Variants in TTC12 observed in about 807,000 individuals in gnomAD.
TTC12 encodes the protein tetratricopeptide repeat domain 12, also known as tetratricopeptide repeat protein 12.
In TTC12, 70 loss-of-function variants were observed where a neutral mutation model predicts 90.1. That is an observed-to-expected ratio of 0.78 (90% CI 0.64 to 0.95). TTC12 has a LOEUF of 0.95. TTC12 is among the 40% of genes least tolerant of loss of function. TTC12 has a pLI of 0.00. For synonymous variants in TTC12, 296 were observed against 311.5 expected, an observed-to-expected ratio of 0.95 and a Z score of 0.53; for missense variants, 819 against 846.1, an observed-to-expected ratio of 0.97 and a Z score of 0.40.
intron 16 of TTC12, among the ~76,000 whole-genome samples, chr11:113,355,656 G>A (rs1213922640): frequency 6.6e-6 from 1 of 152,086 alleles, no homozygotes; most frequent in Non-Finnish European, 1.5e-5. Context: ...CAGAGATTCT[G>A]GTATGTTGTA....
chr11:113,325,373 A>T (rs1273470720), intron 5 of TTC12, 151 bp from the exon 6 acceptor site: 1 of 785,550 alleles, frequency 1.3e-6, no homozygotes, highest in African/African-American at 1.8e-5. Context: ...GCTGGTCCTG[A>T]AGTATCTGCA....
chr11:113,360,006 A>G lies in TTC12; in HGVS notation c.1612A>G (p.Thr538Ala). 6.3e-7 allele frequency: 1 copy of G among 1,590,810 alleles called. No individual in the cohort carries two copies. Among genetic ancestry groups the G allele is most frequent in the Non-Finnish European group, 8.6e-7 (1 of 1,167,656 alleles). ...AAACAGCCAGGATGGAGGAATCCTG[A>G]CAGTAAGTTTCTCCCAGGGAAATCC... is the stretch of plus-strand genomic sequence containing the variant. ...LLNSQDGGIL[T>A]RAAGVLSRTL... is the part of the protein sequence containing the mutation. The change falls in exon 18 of 22, where the codon ACA (threonine) becomes GCA (alanine). Residue 538 changes from threonine (T) to alanine (A), a missense_variant and splice_region_variant. Coordinates refer to ENST00000529221, the MANE Select transcript of TTC12 (RefSeq NM_017868.4).
chr11:113,356,994 CA>C (rs1949670465), intron 16 of TTC12, among the ~76,000 whole-genome samples: 1 of 152,166 alleles, frequency 6.6e-6, no homozygotes, highest in Non-Finnish European at 1.5e-5. Flanking sequence ...GGGAAGTTCT[CA>C]TGGATGATAT....
chr11:113,336,413 G>A (rs1412970760), intron 8 of TTC12, among the ~76,000 whole-genome samples: 4 of 151,972 alleles, frequency 2.6e-5, no homozygotes, highest in Non-Finnish European at 4.4e-5. Context: ...TTTTTCTTTG[G>A]TTGCTTGTGA....
rs782554800 is a variant in TTC12 at position 113,352,216 on chromosome 11, G to C, written c.1446+9G>C. 6.2e-7 allele frequency: 1 copy of C among 1,614,134 alleles called. No homozygotes were observed. The highest frequency in any genetic ancestry group is 8.5e-7 in the Non-Finnish European group (1 of 1,179,996). On this transcript the variant is annotated intron_variant, in intron 16 of 21. Coordinates refer to ENST00000529221, the MANE Select transcript of TTC12 (RefSeq NM_017868.4). ...GCTGCTTGAGCCTCCTGGTATGTTAGCTTTTCTATTCAAAATTGGTCTTTA... is the reference window on the plus strand; with the variant it reads ...GCTGCTTGAGCCTCCTGGTATGTTACCTTTTCTATTCAAAATTGGTCTTTA...
chr11:113,322,568 C>T (rs1304501244), intron 2 of TTC12, among the ~76,000 whole-genome samples: 1 of 152,142 alleles, frequency 6.6e-6, no homozygotes, highest in Non-Finnish European at 1.5e-5. Flanking sequence ...TGTTAAAAGT[C>T]ATTGGGGGAG....
downstream of TTC12, chr11:113,368,144 G>A: frequency 7.5e-7 from 1 of 1,329,668 alleles, no homozygotes; most frequent in Non-Finnish European, 9.9e-7. Context: ...CTTCCCCAAA[G>A]AGTGGGGAAT....
intron 8 of TTC12, among the ~76,000 whole-genome samples, chr11:113,336,466 A>G (rs1208487750): frequency 6.6e-6 from 1 of 152,178 alleles, no homozygotes; most frequent in African/African-American, 2.4e-5. Context: ...ATCCAAGGTC[A>G]GGAAGATGTA....
At chr11:113,368,076 C>T (rs964036144), downstream of TTC12, 5 of 859,786 alleles carry the variant, frequency 5.8e-6, no homozygotes, top group Non-Finnish European at 8.0e-6. Context: ...CCCCGCCTTC[C>T]CCTGCTATGG....
downstream of TTC12, among the ~76,000 whole-genome samples, chr11:113,367,828 G>T (rs1950262833): frequency 3.5e-5 from 5 of 143,456 alleles, no homozygotes; most frequent in South Asian, 1.1e-3. Context: ...GGCGCCCTGG[G>T]TGGCAAGCAA....
intron 21 of TTC12, 111 bp from the exon 22 acceptor site, chr11:113,366,114 G>A: frequency 8.5e-7 from 1 of 1,170,900 alleles, no homozygotes; most frequent in Middle Eastern, 1.9e-4. Flanking sequence ...CACCCAGAGT[G>A]ATAGGACTGA....
Position 113,341,900 on chromosome 11 carries a change from C to A in TTC12, c.960C>A (p.Leu320=), listed in dbSNP as rs781840864. 9 of 1,614,066 alleles carry A rather than the reference C, an allele frequency of 5.6e-6. No individual in the cohort carries two copies. ...TGGTCTGTGTGTCTGTTCTCAAGCT[C>A]TGGCAAGCAGTGTGCAGCAGGAACG... ...EEMVCVSVLK[L]WQAVCSRNEE... The change falls in exon 12 of 22, where the codon CTC becomes CTA. Residue 320 remains leucine, a synonymous_variant. Transcript: ENST00000529221.
chr11:113,357,339 A>G (rs1555152831), intron 16 of TTC12, among the ~76,000 whole-genome samples: 1 of 152,030 alleles, frequency 6.6e-6, no homozygotes, highest in Non-Finnish European at 1.5e-5. Flanking sequence ...TTGTTTCATT[A>G]TGATTTTTGG....
Position 113,359,268 on chromosome 11 carries a change from T to A in TTC12, c.1447-95T>A, listed in dbSNP as rs1949786145. 1.4e-5 allele frequency: 10 copies of A among 737,154 alleles called. No homozygotes were observed. In the Admixed American group the frequency reaches 1.5e-4, roughly 11 times the overall value. 45.7% of individuals were successfully genotyped at this position (737,154 alleles called of 1,614,324 possible). A position where few individuals can be genotyped will look rare whatever the true frequency, so the allele number is the denominator to read the frequency against. On this transcript the variant is annotated intron_variant, in intron 16 of 21. Transcript: ENST00000529221. The stretch of plus-strand genomic sequence containing the variant: ...TTCATGACATTGGCAATTTAGGGAG[T>A]GTGGGGAACTCTGAGACCCTTGTCC...
Position 113,329,920 on chromosome 11 carries a change from G to T in TTC12, c.445G>T (p.Ala149Ser), listed in dbSNP as rs1555142160. 4 of 1,612,782 alleles carry T rather than the reference G, an allele frequency of 2.5e-6. No homozygotes were observed. Among genetic ancestry groups the T allele is most frequent in the African/African-American group, 1.3e-5 (1 of 74,892 alleles). The change falls in exon 7 of 22, where the codon GCT becomes TCT. Residue 149 changes from alanine to serine, a missense_variant and splice_region_variant. Transcript: ENST00000529221. ...MKVLYTNRAQ[A>S]YMKLEDYEKA... ...ATATCAGCTGTTGGTTTCATTACAG[G>T]CTTATATGAAACTTGAGGACTATGA... is the stretch of plus-strand genomic sequence containing the variant.
At position 113,353,143 on chromosome 11, in the gene TTC12, A is replaced by G. The variant is rs369256198; in HGVS notation, c.1446+936A>G. ...CCTTGCCAGCATCTGTTATTTTTTG[A>G]CTTTTTAATAATTGCCATTCTGACT... On this transcript the variant is annotated intron_variant, in intron 16 of 21. Transcript: ENST00000529221. 8.5e-5 allele frequency among the ~76,000 whole-genome samples: 13 copies of G among 152,108 alleles called. No individual in the cohort carries two copies. In the East Asian group the frequency reaches 2.3e-3, roughly 27 times the overall value.
At chr11:113,345,582 A>G (rs540984696) in intron 13 of TTC12, among the ~76,000 whole-genome samples, 1 of 152,178 alleles carries the variant, frequency 6.6e-6, no homozygotes, top group Non-Finnish European at 1.5e-5. Context: ...CAGGATGGTT[A>G]TTAAGCCTTG....
At position 113,363,890 on chromosome 11, in the gene TTC12, T is replaced by C; in HGVS notation, c.1779T>C (p.Tyr593=). The part of the protein sequence containing the change: ...IKILAICTNS[Y]HEAREEVIRL... ...TACTAGCTATCTGCACGAATAGTTATCATGAAGCTCGGGAAGAAGTAATAA... is the reference window on the plus strand; with the variant it reads ...TACTAGCTATCTGCACGAATAGTTACCATGAAGCTCGGGAAGAAGTAATAA... Residue 593 remains tyrosine, a synonymous_variant, in exon 20 of 22, where the codon TAT becomes TAC. Transcript: ENST00000529221. 6.2e-6 allele frequency: 10 copies of C among 1,613,886 alleles called. No homozygotes were observed. The South Asian group carries it at 8.8e-5, about 14-fold the overall frequency.
chr11:113,366,789 C>G (rs907158527), downstream of TTC12, among the ~76,000 whole-genome samples: 1 of 152,218 alleles, frequency 6.6e-6, no homozygotes, highest in Non-Finnish European at 1.5e-5. Flanking sequence ...TGGCCTGCAG[C>G]CACTGCATGT....
Sources: allele counts gnomAD v4.1 joint callset (sites outside exome capture counted in the v4.1 genomes callset), GRCh38; gene constraint gnomAD v4.1.1; transcripts MANE v1.5; gene names NCBI Gene and HGNC (gene_info 2026-07-23, HGNC 2026-07-21).